The following SHTN1 variants were observed in gnomAD, a reference collection of about 807,000 sequenced individuals.
SHTN1 encodes the protein shootin-1.
SHTN1 carries 42 observed loss-of-function variants against 83.1 expected under a neutral mutation model. The observed-to-expected ratio is 0.51, with a 90% CI of 0.39 to 0.65. The LOEUF is 0.65. Ranked by LOEUF, SHTN1 falls within the 30% of genes least tolerant of loss-of-function variation. SHTN1 has a pLI of 0.00. For missense variants in SHTN1, 622 were observed against 737.8 expected (o/e 0.84, Z 1.82); for synonymous variants, 224 against 247.7 (o/e 0.90, Z 0.90).
intron 1 of SHTN1, among the ~76,000 whole-genome samples, chr10:117,068,291 G>A (rs1478671134): frequency 6.6e-6 from 1 of 152,184 alleles, no homozygotes; most frequent in Non-Finnish European, 1.5e-5. Context: ...TCAGAAGGTT[G>A]AGGCAGGAGA....
chr10:117,113,691 C>T (rs1037000782), intron 1 of SHTN1, among the ~76,000 whole-genome samples: 1 of 152,184 alleles, frequency 6.6e-6, no homozygotes, highest in African/African-American at 2.4e-5. Context: ...GACTGCTGAG[C>T]CCAGGCGTTC....
intron 8 of SHTN1, among the ~76,000 whole-genome samples, chr10:116,944,068 T>C (rs1287262708): frequency 6.6e-6 from 1 of 152,188 alleles, no homozygotes; most frequent in African/African-American, 2.4e-5. Context: ...CATGGCAGTG[T>C]TCCACAGCCA....
intron 1 of SHTN1, among the ~76,000 whole-genome samples, chr10:116,988,564 T>A (rs1158887293): frequency 6.6e-6 from 1 of 151,494 alleles, no homozygotes; most frequent in Non-Finnish European, 1.5e-5. Context: ...TTTTATTATT[T>A]TTGAGACAGG....
intron 14 of SHTN1, among the ~76,000 whole-genome samples, chr10:116,907,534 TAC>T (rs1328449704): frequency 6.6e-6 from 1 of 152,190 alleles, no homozygotes; most frequent in East Asian, 1.9e-4. Flanking sequence ...GGAAGTATGT[TAC>T]AGAGTGAGAG....
chr10:117,031,867 A>G (rs1852420070), intron 2 of SHTN1, among the ~76,000 whole-genome samples: 1 of 152,190 alleles, frequency 6.6e-6, no homozygotes, highest in Non-Finnish European at 1.5e-5. Context: ...ACAACCAGAA[A>G]ACAAATAACA....
chr10:117,117,832 T>C (rs1853870427), intron 1 of SHTN1, among the ~76,000 whole-genome samples: 1 of 152,138 alleles, frequency 6.6e-6, no homozygotes, highest in African/African-American at 2.4e-5. Context: ...GGAAATTGAG[T>C]AACCATATGC....
intron 1 of SHTN1, among the ~76,000 whole-genome samples, chr10:117,082,998 G>A (rs928947043): frequency 6.7e-6 from 1 of 150,118 alleles, no homozygotes; most frequent in African/African-American, 2.4e-5. Context: ...CAATTTGCCA[G>A]TCTGTGTCTT....
At chr10:116,940,116 T>G (rs1048834834) in intron 9 of SHTN1, among the ~76,000 whole-genome samples, 13 of 152,196 alleles carry the variant, frequency 8.5e-5, no homozygotes, top group Non-Finnish European at 1.9e-4. Context: ...TACAGCCTCT[T>G]AGTGTGTGCA....
chr10:116,923,667 T>C (rs1848641818), intron 11 of SHTN1, among the ~76,000 whole-genome samples: 1 of 152,030 alleles, frequency 6.6e-6, no homozygotes, highest in Non-Finnish European at 1.5e-5. Flanking sequence ...CTGATCTTAC[T>C]GCCTCAGCCT....
At chr10:117,084,818 C>T (rs1853325195) in intron 1 of SHTN1, among the ~76,000 whole-genome samples, 2 of 152,342 alleles carry the variant, frequency 1.3e-5, no homozygotes, top group Middle Eastern at 3.4e-3. Flanking sequence ...GTCCGTCACC[C>T]CTTTCTTTGA....
At position 116,978,293 on chromosome 10, in the gene SHTN1, G is replaced by T. The variant is rs572940992; in HGVS notation, c.111+963C>A. 5.1e-4 allele frequency among the ~76,000 whole-genome samples: 77 copies of T among 152,096 alleles called. 2 individuals are homozygous for T. The highest frequency in any genetic ancestry group is 1.5e-3 in the South Asian group (7 of 4,822). Reference sequence around the variant, plus strand: ...CATACGTTTTACAAATATTTAGCTTGCTGCCAGTTTTTATTACAGCTCTTA... The same window carrying T: ...CATACGTTTTACAAATATTTAGCTTTCTGCCAGTTTTTATTACAGCTCTTA... On this transcript the variant is annotated intron_variant, in intron 2 of 16. Transcript: ENST00000355371.
At chr10:116,914,703 A>T (rs183574930) in intron 13 of SHTN1, among the ~76,000 whole-genome samples, 39 of 152,182 alleles carry the variant, frequency 2.6e-4, no homozygotes, top group Middle Eastern at 3.4e-3. Context: ...AATGTTTAAA[A>T]CTATTATTGG....
At chr10:117,067,230 G>A (rs1853014986) in intron 1 of SHTN1, among the ~76,000 whole-genome samples, 2 of 152,206 alleles carry the variant, frequency 1.3e-5, no homozygotes, top group South Asian at 4.1e-4. Flanking sequence ...AGTTAAAATT[G>A]ATCCTGAAAA....
chr10:116,904,956 C>CT (rs1425328427), intron 15 of SHTN1, among the ~76,000 whole-genome samples: 4 of 151,310 alleles, frequency 2.6e-5, no homozygotes, highest in African/African-American at 9.7e-5. Flanking sequence ...AATCCCAGCA[C>CT]TTTGGGAGGC....
At chr10:116,958,841 T>C (rs1348307145) in intron 4 of SHTN1, among the ~76,000 whole-genome samples, 2 of 152,198 alleles carry the variant, frequency 1.3e-5, no homozygotes, top group Non-Finnish European at 2.9e-5. Flanking sequence ...AAATCACATA[T>C]GCCCAAAATT....
chr10:116,962,743 A>G (rs1009448910), intron 3 of SHTN1, among the ~76,000 whole-genome samples: 2 of 152,120 alleles, frequency 1.3e-5, no homozygotes, highest in Non-Finnish European at 2.9e-5. Context: ...TCCAGTTCTG[A>G]TTTGGTACAC....
At chr10:117,085,865 A>G (rs1853342517) in intron 1 of SHTN1, among the ~76,000 whole-genome samples, 1 of 150,208 alleles carries the variant, frequency 6.7e-6, no homozygotes, top group Non-Finnish European at 1.5e-5. Flanking sequence ...ATATTATGTA[A>G]TGGTCCTATT....
chr10:116,919,903 G>GC lies in SHTN1; in HGVS notation c.1195+1530dup, dbSNP rs370219544. ...ATCAGCTTTCATTTGTAATGGTGCT[G>GC]CAAGATTCCTGCTAAGAGAGAAAAA... On this transcript the variant is annotated intron_variant, in intron 12 of 16. Coordinates refer to ENST00000355371, the MANE Select transcript of SHTN1 (RefSeq NM_001127211.3). Among the ~76,000 whole-genome samples, 843 of 152,082 alleles carry GC rather than the reference G, an allele frequency of 5.5e-3. 6 individuals carry two copies. Among genetic ancestry groups the GC allele is most frequent in the African/African-American group, 0.019 (779 of 41,494 alleles).
intron 1 of SHTN1, among the ~76,000 whole-genome samples, chr10:117,112,212 C>T (rs931144794): frequency 2.6e-5 from 4 of 152,072 alleles, no homozygotes; most frequent in Admixed American, 6.5e-5. Context: ...GAGATCCGCC[C>T]GCCTCGGCCT....
Sources: gnomAD v4.1 joint callset for allele counts (sites outside exome capture counted in the v4.1 genomes callset) on GRCh38, gnomAD v4.1.1 for gene constraint, MANE v1.5 for transcripts, NCBI Gene and HGNC (gene_info 2026-07-23, HGNC 2026-07-21) for gene names.